The following TPST1 variants were observed in gnomAD, a reference collection of about 807,000 sequenced individuals.
TPST1 encodes tyrosylprotein sulfotransferase 1, also known as protein-tyrosine sulfotransferase 1.
In TPST1, 20 loss-of-function variants were observed where a neutral mutation model predicts 34.8. The observed-to-expected ratio is 0.57, with a 90% CI of 0.40 to 0.84. The LOEUF is 0.84. Ranked by LOEUF, TPST1 falls within the 40% of genes least tolerant of loss-of-function variation. The pLI is 0.00. For synonymous variants in TPST1, 152 were observed against 159.4 expected (o/e 0.95, Z 0.35); for missense variants, 353 against 455.5 (o/e 0.78, Z 2.05).
chr7:66,298,739 C>T (rs1791251798), intron 3 of TPST1, among the ~76,000 whole-genome samples: 1 of 152,026 alleles, frequency 6.6e-6, no homozygotes, highest in South Asian at 2.1e-4. Flanking sequence ...TATATTATCT[C>T]CTCTTTTTAG....
chr7:66,210,070 T>G (rs954688936), intron 1 of TPST1, among the ~76,000 whole-genome samples: 3 of 152,104 alleles, frequency 2.0e-5, no homozygotes, highest in African/African-American at 7.2e-5. Context: ...AGGTGGTCAT[T>G]ATAGGAATGT....
At chr7:66,303,785 C>G (rs1416872403) in intron 3 of TPST1, among the ~76,000 whole-genome samples, 1 of 152,112 alleles carries the variant, frequency 6.6e-6, no homozygotes, top group Non-Finnish European at 1.5e-5. Flanking sequence ...ATTTTGTAGC[C>G]TGAGTGCCAG....
intron 3 of TPST1, among the ~76,000 whole-genome samples, chr7:66,314,059 T>A (rs1791585589): frequency 6.6e-6 from 1 of 152,224 alleles, no homozygotes; most frequent in Non-Finnish European, 1.5e-5. Context: ...TTGATTATTA[T>A]TCGGGTTATG....
At chr7:66,349,508 GT>G (rs1279168046) in intron 3 of TPST1, among the ~76,000 whole-genome samples, 1 of 152,138 alleles carries the variant, frequency 6.6e-6, no homozygotes, top group Non-Finnish European at 1.5e-5. Context: ...GGAGGCAGAG[GT>G]TGTGGTGAGC....
chr7:66,332,548 C>G lies in TPST1; in HGVS notation c.1045-19957C>G, dbSNP rs1792018297. Among the ~76,000 whole-genome samples, 4 of 152,164 alleles carry G rather than the reference C, an allele frequency of 2.6e-5. No individual in the cohort carries two copies. Among genetic ancestry groups the G allele is most frequent in the Admixed American group, 2.6e-4 (4 of 15,272 alleles). On this transcript the variant is annotated intron_variant, in intron 3 of 5. Coordinates refer to ENST00000304842, the MANE Select transcript of TPST1 (RefSeq NM_003596.4). This position sits in a 1 kb window ranked among gnomAD's most constrained non-coding sequence, Gnocchi z 4.5. Reference sequence around the variant, plus strand: ...TCGGCCTCCCAAAGTGCTAGGATTACAGGCATGAGCCAACATGCCTGGCCT... The same window carrying G: ...TCGGCCTCCCAAAGTGCTAGGATTAGAGGCATGAGCCAACATGCCTGGCCT...
At chr7:66,338,191 T>C (rs1792161005) in intron 3 of TPST1, among the ~76,000 whole-genome samples, 1 of 152,048 alleles carries the variant, frequency 6.6e-6, no homozygotes, top group African/African-American at 2.4e-5. Flanking sequence ...GAGCCTATAG[T>C]TTTATCACAT....
chr7:66,219,574 C>G (rs2116277142), intron 1 of TPST1, among the ~76,000 whole-genome samples: 1 of 152,240 alleles, frequency 6.6e-6, no homozygotes, highest in Non-Finnish European at 1.5e-5. Context: ...TTCTGTCATT[C>G]TAATTAGATC....
chr7:66,300,096 G>A (rs1184042401), intron 3 of TPST1, among the ~76,000 whole-genome samples: 1 of 152,096 alleles, frequency 6.6e-6, no homozygotes, highest in Non-Finnish European at 1.5e-5. Flanking sequence ...AATCATCCAA[G>A]CCTTCAGCAA....
chr7:66,230,047 A>G (rs4718329), intron 1 of TPST1, among the ~76,000 whole-genome samples: 100,940 of 152,020 alleles, frequency 0.66, 33,923 homozygotes, highest in African/African-American at 0.76. Flanking sequence ...AATTAGCTGG[A>G]CATGGTGGCA....
At chr7:66,231,823 C>T (rs537757060) in intron 1 of TPST1, among the ~76,000 whole-genome samples, 1 of 152,374 alleles carries the variant, frequency 6.6e-6, no homozygotes, top group Admixed American at 6.5e-5. Context: ...CCTCAGGTGC[C>T]ACCAAAGTGG....
At chr7:66,273,851 G>A (rs1790751852) in intron 2 of TPST1, among the ~76,000 whole-genome samples, 1 of 151,830 alleles carries the variant, frequency 6.6e-6, no homozygotes, top group Non-Finnish European at 1.5e-5. Context: ...CACCCAGGCT[G>A]GAGTGCAGTG....
rs138346501 is a variant in TPST1 at position 66,319,506 on chromosome 7, A to T, written c.1044+32797A>T. On this transcript the variant is annotated intron_variant, in intron 3 of 5. Coordinates refer to ENST00000304842, the MANE Select transcript of TPST1 (RefSeq NM_003596.4). ...TAGGTCTTCATTGTCAGCCTGCTGT[A>T]CTTGTTTTCTTCAAGAAGATAGATA... Among the ~76,000 whole-genome samples the T allele has an allele frequency of 5.9e-5, 9 of 152,296 alleles. No individual in the cohort carries two copies. The East Asian group carries it at 1.4e-3, about 23-fold the overall frequency.
At chr7:66,355,683 T>A (rs10266831) in intron 4 of TPST1, among the ~76,000 whole-genome samples, 5,905 of 151,680 alleles carry the variant, frequency 0.039, 378 homozygotes, top group African/African-American at 0.14. Context: ...GCAGATCACT[T>A]GAGATTAGGA....
At chr7:66,353,834 T>G (rs903706014) in intron 4 of TPST1, among the ~76,000 whole-genome samples, 1 of 152,176 alleles carries the variant, frequency 6.6e-6, no homozygotes, top group Non-Finnish European at 1.5e-5. Flanking sequence ...CAGAGACTTG[T>G]GTGAAGTCCA....
intron 3 of TPST1, among the ~76,000 whole-genome samples, chr7:66,299,491 TTTTC>T (rs1421925427): frequency 6.6e-6 from 1 of 152,118 alleles, no homozygotes; most frequent in African/African-American, 2.4e-5. Flanking sequence ...ATGTAATTTT[TTTTC>T]TTTGACTGCT....
chr7:66,260,336 G>C (rs1037348942), intron 2 of TPST1, among the ~76,000 whole-genome samples: 6 of 152,180 alleles, frequency 3.9e-5, no homozygotes, highest in African/African-American at 1.4e-4. Context: ...AACAAAGTCT[G>C]TGTTAAGTAT....
At chr7:66,214,997 A>T (rs901613433) in intron 1 of TPST1, among the ~76,000 whole-genome samples, 1 of 146,544 alleles carries the variant, frequency 6.8e-6, no homozygotes, top group Admixed American at 6.9e-5. Context: ...AACTATATAA[A>T]TATTAATATG....
rs1355378419 is a variant in TPST1 at position 66,205,610 on chromosome 7, C to G, written c.-102+88C>G. ...GTGCCCCGTCCTGGCATCCCTTGGC[C>G]CCTTGTCGCCTTCTGCTCGGTGCCT... On this transcript the variant is annotated intron_variant, in intron 1 of 5. Coordinates refer to ENST00000304842, the MANE Select transcript of TPST1 (RefSeq NM_003596.4). This position sits in a 1 kb window ranked among gnomAD's most constrained non-coding sequence, Gnocchi z 5.0. 3.3e-5 allele frequency: 5 copies of G among 152,854 alleles called. No individual in the cohort carries two copies. Among genetic ancestry groups the G allele is most frequent in the African/African-American group, 1.2e-4 (5 of 41,456 alleles). The allele number at this position is 152,854 out of a possible 1,614,324, so 9.5% of individuals were successfully genotyped here.
chr7:66,314,070 C>T (rs1791585906), intron 3 of TPST1, among the ~76,000 whole-genome samples: 1 of 152,118 alleles, frequency 6.6e-6, no homozygotes, highest in African/African-American at 2.4e-5. Context: ...TCGGGTTATG[C>T]ATATGAGGCC....
Sources: gnomAD v4.1 joint callset for allele counts (sites outside exome capture counted in the v4.1 genomes callset) on GRCh38, gnomAD v4.1.1 for gene constraint, Gnocchi (gnomAD v3.1) non-coding constraint, MANE v1.5 for transcripts, NCBI Gene and HGNC (gene_info 2026-07-23, HGNC 2026-07-21) for gene names.